The following PHC3 variants were observed in gnomAD, a reference collection of about 807,000 sequenced individuals.
The protein encoded by PHC3 is polyhomeotic-like protein 3.
PHC3 carries 13 observed loss-of-function variants against 107.4 expected under a neutral mutation model. That is an observed-to-expected ratio of 0.12 (90% CI 0.08 to 0.19). The LOEUF (loss-of-function observed/expected upper bound fraction) is 0.19, where lower values mean the gene tolerates loss of function less well. PHC3 is among the 10% of genes least tolerant of loss of function. The pLI is 1.00. For synonymous variants in PHC3, 456 were observed against 427.4 expected (o/e 1.07, Z -0.83); for missense variants, 992 against 1,210.9 (o/e 0.82, Z 2.68).
intron 2 of PHC3, among the ~76,000 whole-genome samples, chr3:170,173,451 C>T (rs111496090): frequency 6.6e-6 from 1 of 152,066 alleles, no homozygotes. Context: ...GAATTCAGGG[C>T]TTGGGTGTGG....
chr3:170,088,634 A>G lies in PHC3; in HGVS notation c.*8596T>C, dbSNP rs1056430043. 2.0e-5 allele frequency: 3 copies of G among 152,232 alleles called. No homozygotes were observed. The South Asian group carries it at 6.2e-4, about 32-fold the overall frequency. The allele number at this position is 152,232 out of a possible 1,614,324, so 9.4% of individuals were successfully genotyped here. On this transcript the variant is annotated 3_prime_UTR_variant, in exon 15 of 15. Transcript: ENST00000495893. ...TTGACTTTTTAAAATTTAAGAATAC[A>G]TATACAAAAAGTACTTATGGAATAC...
intron 4 of PHC3, among the ~76,000 whole-genome samples, chr3:170,161,563 A>T (rs1727896502): frequency 6.6e-6 from 1 of 152,244 alleles, no homozygotes; most frequent in Non-Finnish European, 1.5e-5. Flanking sequence ...CTGATCTGAC[A>T]GGAGGCAGAG....
chr3:170,101,229 C>A (rs74726828), intron 14 of PHC3, among the ~76,000 whole-genome samples: 1,856 of 152,254 alleles, frequency 0.012, 40 homozygotes, highest in African/African-American at 0.042. Flanking sequence ...TTAAACAATT[C>A]CATCTTTCTT....
chr3:170,176,983 C>A (rs1730582656), intron 2 of PHC3: 1 of 421,084 alleles, frequency 2.4e-6, no homozygotes, highest in Admixed American at 2.8e-5. Flanking sequence ...GGTCCATGCC[C>A]TTTTTATATA....
rs1715669280 is a variant in PHC3 at position 170,102,462 on chromosome 3, A to G, written c.2833+17T>C. 6.2e-7 allele frequency: 1 copy of G among 1,609,488 alleles called. No homozygotes were observed. Among genetic ancestry groups the G allele is most frequent in the Non-Finnish European group, 8.5e-7 (1 of 1,177,668 alleles). On this transcript the variant is annotated intron_variant, in intron 14 of 14. Transcript: ENST00000495893. ...TGCACAAGAAAAATATTAAGGCCAA[A>G]GTGATGAATTACATACCAGGCAAAG...
intron 8 of PHC3, 74 bp downstream of exon 8, chr3:170,128,610 T>TA (rs1721732414): frequency 6.7e-7 from 1 of 1,493,144 alleles, no homozygotes; most frequent in Admixed American, 2.4e-5. Flanking sequence ...GATCTTGCAA[T>TA]AAAACATAGT....
chr3:170,121,537 CTTTTT>C (rs1553786071), intron 9 of PHC3, among the ~76,000 whole-genome samples: 1 of 152,084 alleles, frequency 6.6e-6, no homozygotes, highest in Admixed American at 6.5e-5. Context: ...AGCACAAGAA[CTTTTT>C]TTTAAGAGAC....
intron 6 of PHC3, among the ~76,000 whole-genome samples, chr3:170,137,758 G>A (rs1424356492): frequency 3.9e-5 from 6 of 152,182 alleles, no homozygotes; most frequent in Non-Finnish European, 8.8e-5. Context: ...AATTAGCCAG[G>A]CGTGGTGGCA....
intron 7 of PHC3, 35 bp downstream of exon 7, chr3:170,136,384 T>C (rs750122237): frequency 6.2e-6 from 10 of 1,611,436 alleles, no homozygotes; most frequent in Non-Finnish European, 8.5e-6. Context: ...AGAAAATGAA[T>C]AATACAACTA....
At chr3:170,168,314 C>CTCCCAT (rs1198855554) in intron 4 of PHC3, among the ~76,000 whole-genome samples, 2 of 152,138 alleles carry the variant, frequency 1.3e-5, no homozygotes, top group Non-Finnish European at 2.9e-5. Flanking sequence ...GCTGTTTTCA[C>CTCCCAT]TTTGCTTATG....
At chr3:170,155,128 C>A (rs1387528780) in intron 4 of PHC3, among the ~76,000 whole-genome samples, 1 of 152,186 alleles carries the variant, frequency 6.6e-6, no homozygotes, top group African/African-American at 2.4e-5. Flanking sequence ...CCAGAAAAAG[C>A]CACTTAACTC....
intron 6 of PHC3, among the ~76,000 whole-genome samples, chr3:170,137,463 C>T (rs1025202068): frequency 6.6e-6 from 1 of 152,082 alleles, no homozygotes; most frequent in African/African-American, 2.4e-5. Context: ...GAACTTCTTG[C>T]CTATCTAGAA....
At chr3:170,146,002 C>T (rs1296441182) in intron 5 of PHC3, among the ~76,000 whole-genome samples, 4 of 152,192 alleles carry the variant, frequency 2.6e-5, no homozygotes, top group African/African-American at 9.7e-5. Context: ...ATACTACACT[C>T]CAATATTTCA....
In PHC3 at chr3:170,113,367, A is replaced by T. The variant is rs532102572; in HGVS notation, c.2346T>A (p.Ile782=). ...TAAGTGAAACCCACAAACCTTCAGC[A>T]ATCATGTCTTCCATCTCTGTGTCAG... The part of the protein sequence containing the change: ...NSSDTEMEDM[I]AEETLEEMDS... Residue 782 remains isoleucine (I), a synonymous_variant, in exon 11 of 15, where the codon ATT becomes ATA. Coordinates refer to ENST00000495893, the MANE Select transcript of PHC3 (RefSeq NM_024947.4). 6.2e-6 allele frequency: 10 copies of T among 1,605,300 alleles called. No individual in the cohort carries two copies. In the East Asian group the frequency reaches 2.0e-4, roughly 32 times the overall value.
At chr3:170,155,857 A>C (rs931961768) in intron 4 of PHC3, among the ~76,000 whole-genome samples, 1 of 152,160 alleles carries the variant, frequency 6.6e-6, no homozygotes, top group Non-Finnish European at 1.5e-5. Context: ...CAGTCACCAA[A>C]ATGTTAAAGG....
In PHC3 at chr3:170,094,400, A is replaced by G. The variant is rs989285996; in HGVS notation, c.*2830T>C. On this transcript the variant is annotated 3_prime_UTR_variant, in exon 15 of 15. Transcript: ENST00000495893. ...AAGAGTGCAACACTGCAAGGAAGTC[A>G]GAAAATGCAAACTTAGGTAGCAAAA... 2 of 152,252 alleles carry G rather than the reference A, an allele frequency of 1.3e-5. No homozygotes were observed. Among genetic ancestry groups the G allele is most frequent in the Admixed American group, 1.3e-4 (2 of 15,288 alleles). 9.4% of individuals were successfully genotyped at this position (152,252 alleles called of 1,614,324 possible). A position where few individuals can be genotyped will look rare whatever the true frequency, so the allele number is the denominator to read the frequency against.
chr3:170,144,354 A>G (rs1326071049), intron 6 of PHC3, among the ~76,000 whole-genome samples: 1 of 151,898 alleles, frequency 6.6e-6, no homozygotes, highest in East Asian at 1.9e-4. Context: ...AAAAAAAAAA[A>G]AAGTATATAT....
At chr3:170,163,461 AGTGTGTGTGTGTGTGTGTGTGTGTGT>A (rs56986650) in intron 4 of PHC3, among the ~76,000 whole-genome samples, 2 of 146,318 alleles carry the variant, frequency 1.4e-5, no homozygotes, top group East Asian at 4.0e-4. Flanking sequence ...TTTAGTAAAG[AGTGTGTGTGTGTGTGTGTGTGTGTGT>A]GTGTGTGTGT....
rs1725503785 is a variant in PHC3, at chr3:170,149,250, G to A, written c.415-6C>T. 3.7e-6 allele frequency: 6 copies of A among 1,606,154 alleles called. No homozygotes were observed. Among genetic ancestry groups the A allele is most frequent in the Non-Finnish European group, 5.1e-6 (6 of 1,176,490 alleles). Reference sequence around the variant, plus strand: ...GGAGAAGTGGAGAGGTTGATCTAAGGAAGAAAACATATTAGGTCATAGGCT... The same window carrying A: ...GGAGAAGTGGAGAGGTTGATCTAAGAAAGAAAACATATTAGGTCATAGGCT... On this transcript the variant is annotated splice_polypyrimidine_tract_variant and splice_region_variant and intron_variant, in intron 4 of 14. Coordinates refer to ENST00000495893, the MANE Select transcript of PHC3 (RefSeq NM_024947.4).
Sources: allele counts gnomAD v4.1 joint callset (sites outside exome capture counted in the v4.1 genomes callset), GRCh38; gene constraint gnomAD v4.1.1; transcripts MANE v1.5; gene names NCBI Gene and HGNC (gene_info 2026-07-23, HGNC 2026-07-21).